ATP8A2: variants seen among roughly 807,000 people sequenced by gnomAD.
The protein encoded by ATP8A2 is ATPase phospholipid transporting 8A2.
Under a neutral mutation model 165.6 loss-of-function variants are expected in ATP8A2, and 100 were observed. That is an observed-to-expected ratio of 0.60 (90% CI 0.51 to 0.71). The LOEUF (loss-of-function observed/expected upper bound fraction) is 0.71, where lower values mean the gene tolerates loss of function less well. Ranked by LOEUF, ATP8A2 falls within the 30% of genes least tolerant of loss-of-function variation. ATP8A2 has a pLI of 0.00. For synonymous variants in ATP8A2, 543 were observed against 548.8 expected (o/e 0.99, Z 0.15); for missense variants, 1,227 against 1,479.5 (o/e 0.83, Z 2.80).
chr13:25,499,304 C>G (rs1316121004), intron 2 of ATP8A2, among the ~76,000 whole-genome samples: 1 of 152,114 alleles, frequency 6.6e-6, no homozygotes, highest in African/African-American at 2.4e-5. Context: ...GCAGGTAGAG[C>G]TATATATAAG....
intron 33 of ATP8A2, among the ~76,000 whole-genome samples, chr13:25,940,156 A>G (rs1026455467): frequency 6.6e-6 from 1 of 151,550 alleles, no homozygotes; most frequent in Non-Finnish European, 1.5e-5. Context: ...AGCAGCTTCC[A>G]GGGGCTGGAC....
intron 10 of ATP8A2, among the ~76,000 whole-genome samples, chr13:25,545,642 G>C (rs1466769069): frequency 6.6e-6 from 1 of 152,094 alleles, no homozygotes; most frequent in East Asian, 1.9e-4. Flanking sequence ...TTGTTTGTTT[G>C]TTTGTTTTTT....
At chr13:25,826,065 A>C (rs923194920) in intron 27 of ATP8A2, among the ~76,000 whole-genome samples, 1 of 152,188 alleles carries the variant, frequency 6.6e-6, no homozygotes, top group Admixed American at 6.5e-5. Context: ...TGCATTGTAC[A>C]TTTCAAAGTT....
intron 16 of ATP8A2, among the ~76,000 whole-genome samples, chr13:25,565,233 G>A (rs2039278017): frequency 6.6e-6 from 1 of 152,030 alleles, no homozygotes; most frequent in Non-Finnish European, 1.5e-5. Context: ...TTTTTCCTCT[G>A]GGTAGATACC....
At chr13:25,631,827 C>T (rs1295213124) in intron 24 of ATP8A2, among the ~76,000 whole-genome samples, 1 of 152,160 alleles carries the variant, frequency 6.6e-6, no homozygotes, top group African/African-American at 2.4e-5. Context: ...TTTGCGTACT[C>T]TCACTCAGTA....
intron 1 of ATP8A2, among the ~76,000 whole-genome samples, chr13:25,392,212 A>G (rs1360458082): frequency 9.9e-5 from 15 of 152,276 alleles, no homozygotes; most frequent in Admixed American, 9.8e-4. Flanking sequence ...TCCTTTGCAC[A>G]TCAGCACATG....
At chr13:25,450,677 G>C (rs531703775) in intron 1 of ATP8A2, among the ~76,000 whole-genome samples, 1 of 151,968 alleles carries the variant, frequency 6.6e-6, no homozygotes, top group Non-Finnish European at 1.5e-5. Flanking sequence ...GACTACAGGC[G>C]CCCGCCACCA....
At chr13:25,935,881 A>C (rs1954872748) in intron 33 of ATP8A2, among the ~76,000 whole-genome samples, 1 of 152,166 alleles carries the variant, frequency 6.6e-6, no homozygotes, top group Admixed American at 6.5e-5. Context: ...CTATATTTTA[A>C]TTTTTCATGA....
intron 18 of ATP8A2, among the ~76,000 whole-genome samples, chr13:25,574,477 A>G (rs2039559149): frequency 6.6e-6 from 1 of 152,224 alleles, no homozygotes; most frequent in African/African-American, 2.4e-5. Context: ...ATGGTCTAGA[A>G]TATGTCTATA....
At chr13:25,927,615 C>T (rs1954648370) in intron 33 of ATP8A2, among the ~76,000 whole-genome samples, 1 of 152,222 alleles carries the variant, frequency 6.6e-6, no homozygotes, top group Non-Finnish European at 1.5e-5. Flanking sequence ...CAAAGCCACT[C>T]ACTGGTTATT....
intron 1 of ATP8A2, among the ~76,000 whole-genome samples, chr13:25,450,024 G>C (rs1443136385): frequency 6.6e-6 from 1 of 152,062 alleles, no homozygotes; most frequent in Non-Finnish European, 1.5e-5. Flanking sequence ...GTTCCTCTCT[G>C]TGTCCATGTG....
At chr13:25,830,288 T>TGG (rs1283236979) in intron 28 of ATP8A2, among the ~76,000 whole-genome samples, 1 of 152,152 alleles carries the variant, frequency 6.6e-6, no homozygotes. Flanking sequence ...GGTAGGATTA[T>TGG]AGTCATGAGC....
At chr13:25,888,975 C>CAA (rs1433006921) in intron 33 of ATP8A2, among the ~76,000 whole-genome samples, 4 of 151,974 alleles carry the variant, frequency 2.6e-5, no homozygotes, top group Admixed American at 2.6e-4. Context: ...GTTCTCTTCT[C>CAA]TTCGTCACCT....
chr13:25,714,792 C>G (rs9578916), intron 25 of ATP8A2, among the ~76,000 whole-genome samples: 6,810 of 152,192 alleles, frequency 0.045, 192 homozygotes, highest in Middle Eastern at 0.095. Flanking sequence ...GGTTATTTGT[C>G]CAATGCAGGG....
At chr13:25,408,007 C>T (rs1434397705) in intron 1 of ATP8A2, among the ~76,000 whole-genome samples, 1 of 152,134 alleles carries the variant, frequency 6.6e-6, no homozygotes, top group Non-Finnish European at 1.5e-5. Context: ...TGCAGCAAAC[C>T]ACCATGGCAC....
At chr13:26,007,018 T>C (rs1336165578) in intron 35 of ATP8A2, among the ~76,000 whole-genome samples, 1 of 151,894 alleles carries the variant, frequency 6.6e-6, no homozygotes, top group East Asian at 1.9e-4. Context: ...AACATAGATC[T>C]AAATTGCTTT....
At chr13:25,714,188 T>A (rs2043209683) in intron 25 of ATP8A2, among the ~76,000 whole-genome samples, 1 of 152,040 alleles carries the variant, frequency 6.6e-6, no homozygotes, top group East Asian at 1.9e-4. Flanking sequence ...TCTGGTGACC[T>A]CTCAGAATTA....
At chr13:25,951,354 G>T (rs1049884567) in intron 33 of ATP8A2, among the ~76,000 whole-genome samples, 1 of 152,236 alleles carries the variant, frequency 6.6e-6, no homozygotes, top group African/African-American at 2.4e-5. Context: ...ATCCATCTCA[G>T]AGACATCATG....
intron 1 of ATP8A2, among the ~76,000 whole-genome samples, chr13:25,434,849 A>G (rs1179037985): frequency 6.6e-6 from 1 of 152,188 alleles, no homozygotes; most frequent in East Asian, 1.9e-4. Context: ...TTTCTCCAGC[A>G]TGCACGTGTT....
Sources: gnomAD v4.1 joint callset for allele counts (sites outside exome capture counted in the v4.1 genomes callset) on GRCh38, gnomAD v4.1.1 for gene constraint, MANE v1.5 for transcripts, NCBI Gene and HGNC (gene_info 2026-07-23, HGNC 2026-07-21) for gene names.